The following TLCD4 variants were observed in gnomAD, a reference collection of about 807,000 sequenced individuals.
The protein encoded by TLCD4 is TLC domain-containing protein 4.
Under a neutral mutation model 24.2 loss-of-function variants are expected in TLCD4, and 7 were observed. The observed-to-expected ratio is 0.29, with a 90% confidence interval of 0.16 to 0.54. The LOEUF (loss-of-function observed/expected upper bound fraction) is 0.54, where lower values mean the gene tolerates loss of function less well. Ranked by LOEUF, TLCD4 falls within the 20% of genes least tolerant of loss-of-function variation. The pLI, the probability that TLCD4 is intolerant of heterozygous loss-of-function variation, is 0.95. For missense variants in TLCD4, 259 were observed against 313.9 expected, an observed-to-expected ratio of 0.82 and a Z score of 1.32; for synonymous variants, 103 against 106.4, an observed-to-expected ratio of 0.97 and a Z score of 0.20.
intron 5 of TLCD4, among the ~76,000 whole-genome samples, chr1:95,152,029 A>G (rs1238562704): frequency 1.3e-5 from 2 of 152,144 alleles, no homozygotes; most frequent in Non-Finnish European, 2.9e-5. Flanking sequence ...GTTTTTCAAC[A>G]TAAATATACC....
At position 95,177,881 on chromosome 1, in the gene TLCD4, G is replaced by A. The variant is rs150980978; in HGVS notation, c.473+3992G>A. On this transcript the variant is annotated intron_variant, in intron 6 of 6. Coordinates refer to ENST00000370203, the MANE Select transcript of TLCD4 (RefSeq NM_152487.3). ...ATTAGTCTCTTTATCAAGAGGTTTG[G>A]CATTAGTGTGTTTACCAGGTGATTA... Among the ~76,000 whole-genome samples the A allele has an allele frequency of 2.1e-3, 309 of 150,128 alleles. 2 individuals carry two copies. Among genetic ancestry groups the A allele is most frequent in the African/African-American group, 6.9e-3 (282 of 41,002 alleles).
At chr1:95,107,934 A>G in the TLCD4 span, among the ~76,000 whole-genome samples, 1 of 152,202 alleles carries the variant, frequency 6.6e-6, no homozygotes, top group Non-Finnish European at 1.5e-5. Context: ...GTGAGAGATG[A>G]ATGCTCCTAA....
At chr1:95,104,555 C>G in the TLCD4 span, among the ~76,000 whole-genome samples, 3 of 151,144 alleles carry the variant, frequency 2.0e-5, no homozygotes, top group South Asian at 6.3e-4. Context: ...GTCCCAGCTA[C>G]TCGGGAGGCT....
chr1:95,159,304 T>G (rs573666455), intron 5 of TLCD4, among the ~76,000 whole-genome samples: 2 of 152,372 alleles, frequency 1.3e-5, no homozygotes, highest in South Asian at 4.1e-4. Context: ...CATAGATGTC[T>G]TCTTTTGAGA....
intron 6 of TLCD4, among the ~76,000 whole-genome samples, chr1:95,179,422 G>A (rs1678557404): frequency 6.6e-6 from 1 of 152,168 alleles, no homozygotes; most frequent in South Asian, 2.1e-4. Flanking sequence ...TCACTTTTCT[G>A]CCATGATTGC....
chr1:95,152,829 A>G (rs999622358), intron 5 of TLCD4, among the ~76,000 whole-genome samples: 3 of 152,130 alleles, frequency 2.0e-5, no homozygotes, highest in African/African-American at 7.2e-5. Context: ...TTATTCTAAG[A>G]GAAATGAACA....
chr1:95,110,866 T>TAAAAAAAAAAAAAAAAAAG, the TLCD4 span, among the ~76,000 whole-genome samples: 1 of 119,564 alleles, frequency 8.4e-6, no homozygotes. Context: ...AAAAGAAAAG[T>TAAAAAAAAAAAAAAAAAAG]AAAAAAAAAA....
the TLCD4 span, among the ~76,000 whole-genome samples, chr1:95,101,610 C>A: frequency 6.6e-6 from 1 of 152,056 alleles, no homozygotes; most frequent in Admixed American, 6.6e-5. Context: ...TCAAGAAACT[C>A]TGATTTACAA....
chr1:95,158,077 C>G (rs1677681057), intron 5 of TLCD4, among the ~76,000 whole-genome samples: 1 of 152,132 alleles, frequency 6.6e-6, no homozygotes, highest in Admixed American at 6.5e-5. Flanking sequence ...TATTTGCCTT[C>G]CCTTCTTCCT....
chr1:95,190,197 A>G (rs1241126599), intron 6 of TLCD4, among the ~76,000 whole-genome samples: 1 of 150,448 alleles, frequency 6.6e-6, no homozygotes, highest in Non-Finnish European at 1.5e-5. Context: ...TCTGCCTCCC[A>G]GGTTCAAGAG....
At chr1:95,092,938 C>T in the TLCD4 span, among the ~76,000 whole-genome samples, 199 of 152,270 alleles carry the variant, frequency 1.3e-3, no homozygotes, top group Middle Eastern at 6.8e-3. Flanking sequence ...AGGGTTTCCC[C>T]ATGTTGGACA....
At chr1:95,099,109 C>G in the TLCD4 span, among the ~76,000 whole-genome samples, 363 of 144,702 alleles carry the variant, frequency 2.5e-3, 4 homozygotes, top group African/African-American at 8.6e-3. Context: ...AGAATAGTGC[C>G]TGACACATAG....
chr1:95,165,287 C>T (rs1223587531), intron 5 of TLCD4: 1 of 152,180 alleles, frequency 6.6e-6, no homozygotes, highest in Non-Finnish European at 1.5e-5. Context: ...ATTATCTCTA[C>T]TGGTGGCATA....
intron 3 of TLCD4, 100 bp from the exon 4 acceptor site, chr1:95,150,108 A>G: frequency 1.4e-6 from 2 of 1,431,662 alleles, no homozygotes; most frequent in Non-Finnish European, 1.9e-6. Flanking sequence ...TTGAGAATCT[A>G]TAGAAAGCAA....
chr1:95,093,347 A>C, the TLCD4 span, among the ~76,000 whole-genome samples: 1 of 152,222 alleles, frequency 6.6e-6, no homozygotes, highest in African/African-American at 2.4e-5. Flanking sequence ...TATTTTTCAA[A>C]TGGAAGTTTT....
At chr1:95,145,022 G>T (rs976752265) in intron 2 of TLCD4, among the ~76,000 whole-genome samples, 5 of 152,140 alleles carry the variant, frequency 3.3e-5, no homozygotes, top group Admixed American at 6.5e-5. Context: ...CAATTTTTTT[G>T]TGTGTGTACA....
the TLCD4 span, among the ~76,000 whole-genome samples, chr1:95,103,261 G>A: frequency 6.6e-6 from 1 of 152,206 alleles, no homozygotes; most frequent in Non-Finnish European, 1.5e-5. Context: ...TTACAGACGT[G>A]AGCCACTGAA....
chr1:95,142,839 G>A (rs12742928), intron 1 of TLCD4, among the ~76,000 whole-genome samples: 2 of 152,102 alleles, frequency 1.3e-5, no homozygotes, highest in East Asian at 3.9e-4. Flanking sequence ...AATCCCAGCC[G>A]CTCGCGATGA....
chr1:95,169,349 G>A (rs999099817), intron 5 of TLCD4, among the ~76,000 whole-genome samples: 3 of 152,214 alleles, frequency 2.0e-5, no homozygotes, highest in Admixed American at 6.5e-5. Flanking sequence ...AGAGGAATTA[G>A]AAGAGCCAAG....
Sources: allele counts gnomAD v4.1 joint callset (sites outside exome capture counted in the v4.1 genomes callset), GRCh38; gene constraint gnomAD v4.1.1; transcripts MANE v1.5; gene names NCBI Gene and HGNC (gene_info 2026-07-23, HGNC 2026-07-21).